Variants in PPP2R2B observed in about 807,000 individuals in gnomAD.
The protein encoded by PPP2R2B is protein phosphatase 2 regulatory subunit Bbeta.
Under a neutral mutation model 46.0 loss-of-function variants are expected in PPP2R2B, and 5 were observed. The ratio of observed to expected loss-of-function variants is 0.11; its 90% CI spans 0.06 to 0.23. The LOEUF (loss-of-function observed/expected upper bound fraction) is 0.23, where lower values mean the gene tolerates loss of function less well. PPP2R2B is among the 10% of genes least tolerant of loss of function. The probability of loss-of-function intolerance (pLI) is 1.00; values close to 1 mark genes in which losing one functional copy is unlikely to be tolerated. For missense variants in PPP2R2B, 367 were observed against 575.0 expected, an observed-to-expected ratio of 0.64 and a Z score of 3.70; for synonymous variants, 215 against 206.7, an observed-to-expected ratio of 1.04 and a Z score of -0.34.
At chr5:146,657,700 T>C (rs1032127364) in intron 5 of PPP2R2B, among the ~76,000 whole-genome samples, 2 of 152,132 alleles carry the variant, frequency 1.3e-5, no homozygotes, top group South Asian at 2.1e-4. Flanking sequence ...ATTTGCATGA[T>C]ACTTTTAATC....
chr5:146,974,691 A>ATTT (rs543744922), intron 1 of PPP2R2B, among the ~76,000 whole-genome samples: 37 of 142,418 alleles, frequency 2.6e-4, no homozygotes, highest in African/African-American at 7.5e-4. Flanking sequence ...AATAAAAGGA[A>ATTT]TTTTTTTTTT....
At chr5:146,707,623 C>T (rs1224296598) in intron 2 of PPP2R2B, 27 of 616,346 alleles carry the variant, frequency 4.4e-5, no homozygotes, top group South Asian at 2.0e-4. Flanking sequence ...TGGAGGCAGG[C>T]GGGCTGAACC....
At chr5:147,079,581 A>C (rs771943947) in intron 2 of PPP2R2B, among the ~76,000 whole-genome samples, 7 of 151,738 alleles carry the variant, frequency 4.6e-5, no homozygotes, top group Non-Finnish European at 8.8e-5. Context: ...TAGTGAAATA[A>C]GCCAGGCACA....
rs942218564 is a variant in PPP2R2B at position 147,036,493 on chromosome 5, T to C, written c.79+19172A>G. Among the ~76,000 whole-genome samples, 4 of 152,338 alleles carry C rather than the reference T, an allele frequency of 2.6e-5. No individual in the cohort carries two copies. In the East Asian group the frequency reaches 7.7e-4, roughly 29 times the overall value. On this transcript the variant is annotated intron_variant, in intron 1 of 8. Coordinates refer to the PPP2R2B transcript ENST00000336640. ...ATGAACATATACATGCATATATCTT[T>C]ATAATAGAACAATTTATATTCATTT...
chr5:146,760,899 A>G (rs1376045476), intron 2 of PPP2R2B, among the ~76,000 whole-genome samples: 2 of 152,230 alleles, frequency 1.3e-5, no homozygotes, highest in African/African-American at 4.8e-5. Context: ...TGCAGCCAAA[A>G]AACACATGAA....
intron 7 of PPP2R2B, among the ~76,000 whole-genome samples, chr5:146,637,508 G>A (rs188720291): frequency 1.3e-5 from 2 of 152,140 alleles, no homozygotes; most frequent in Admixed American, 6.5e-5. Context: ...CTGTCTCCTT[G>A]TTTCTTTGTT....
At chr5:146,699,347 G>T (rs1396103291) in intron 3 of PPP2R2B, among the ~76,000 whole-genome samples, 1 of 152,064 alleles carries the variant, frequency 6.6e-6, no homozygotes, top group Non-Finnish European at 1.5e-5. Flanking sequence ...ATGTCACATG[G>T]GTTTGTTTCT....
intron 2 of PPP2R2B, among the ~76,000 whole-genome samples, chr5:146,767,699 G>T (rs1422956909): frequency 6.6e-6 from 1 of 152,044 alleles, no homozygotes; most frequent in Non-Finnish European, 1.5e-5. Context: ...CCACCACAGT[G>T]GTTCATTTGT....
intron 2 of PPP2R2B, among the ~76,000 whole-genome samples, chr5:146,718,062 C>G (rs988009340): frequency 2.0e-5 from 3 of 151,996 alleles, no homozygotes; most frequent in African/African-American, 7.3e-5. Context: ...ATGTCTGTCT[C>G]CCTTGTAAGA....
intron 1 of PPP2R2B, among the ~76,000 whole-genome samples, chr5:146,953,309 T>G (rs1266534695): frequency 6.6e-6 from 1 of 152,172 alleles, no homozygotes; most frequent in African/African-American, 2.4e-5. Flanking sequence ...ATTTGCAATT[T>G]ATAATATGTC....
intron 5 of PPP2R2B, among the ~76,000 whole-genome samples, chr5:146,673,279 T>C (rs912744951): frequency 6.9e-6 from 1 of 143,912 alleles, no homozygotes. Context: ...AGGAAAGCAG[T>C]CCAATTAAGA....
chr5:146,878,906 G>C (rs916729904), upstream of PPP2R2B: 1 of 1,148,648 alleles, frequency 8.7e-7, no homozygotes, highest in Non-Finnish European at 1.1e-6. This position sits in a 1 kb window ranked among gnomAD's most constrained non-coding sequence, Gnocchi z 4.5. Context: ...GCCGCGAATC[G>C]GCACCTGGGC....
At chr5:146,650,472 A>G in intron 6 of PPP2R2B, 75 bp downstream of exon 6, 1 of 1,401,470 alleles carries the variant, frequency 7.1e-7, no homozygotes, top group Non-Finnish European at 9.7e-7. Context: ...TCTATTCCAT[A>G]TTTTCTCCCA....
chr5:147,079,334 C>T (rs563895878), intron 2 of PPP2R2B, among the ~76,000 whole-genome samples: 1 of 146,194 alleles, frequency 6.8e-6, no homozygotes, highest in African/African-American at 2.5e-5. Context: ...TGTTCATAAA[C>T]AGATGAATAG....
chr5:146,814,816 C>G (rs193102566), intron 2 of PPP2R2B, among the ~76,000 whole-genome samples: 1 of 152,296 alleles, frequency 6.6e-6, no homozygotes, highest in East Asian at 1.9e-4. Context: ...CATGGAAAAA[C>G]CCCAAGTCAA....
chr5:146,872,462 T>A (rs757979287), intron 2 of PPP2R2B, among the ~76,000 whole-genome samples: 6 of 152,342 alleles, frequency 3.9e-5, no homozygotes, highest in Admixed American at 1.3e-4. Context: ...CTCTCCATCA[T>A]ATGACACTAC....
intron 2 of PPP2R2B, among the ~76,000 whole-genome samples, chr5:146,746,393 A>C (rs1250006421): frequency 6.6e-6 from 1 of 152,148 alleles, no homozygotes; most frequent in Non-Finnish European, 1.5e-5. Flanking sequence ...TAAAAAAAAA[A>C]AGTCATATGT....
At chr5:146,688,007 G>T (rs17105166) in intron 5 of PPP2R2B, among the ~76,000 whole-genome samples, 7,617 of 152,158 alleles carry the variant, frequency 0.05, 440 homozygotes, top group East Asian at 0.29. Context: ...TTAATATCAC[G>T]TCAGCTCATT....
rs1357358970 is a variant in PPP2R2B, at chr5:146,878,201, G to C, written c.-124-6C>G. On this transcript the variant is annotated splice_polypyrimidine_tract_variant and splice_region_variant and intron_variant, in intron 1 of 9. Coordinates refer to ENST00000394411, the MANE Select transcript of PPP2R2B (RefSeq NM_181675.4). The surrounding 1 kb of genome is among the most constrained non-coding windows in gnomAD (Gnocchi z 4.5). The stretch of plus-strand genomic sequence containing the variant: ...GACTGCACCATGGTCCGAGCCTGAG[G>C]AGGAGACGGGGAGGCGGAGAGAAAA... 1.3e-6 allele frequency: 2 copies of C among 1,575,332 alleles called. No individual in the cohort carries two copies. The highest frequency in any genetic ancestry group is 2.7e-5 in the African/African-American group (2 of 73,802).
Sources: allele counts gnomAD v4.1 joint callset (sites outside exome capture counted in the v4.1 genomes callset), GRCh38; gene constraint gnomAD v4.1.1; non-coding constraint Gnocchi (gnomAD v3.1); transcripts MANE v1.5; gene names NCBI Gene and HGNC (gene_info 2026-07-23, HGNC 2026-07-21).